C11orf42: variants seen among roughly 807,000 people sequenced by gnomAD.
C11orf42 encodes the protein chromosome 11 open reading frame 42, also known as uncharacterized protein C11orf42.
In C11orf42, 24 loss-of-function variants were observed where a neutral mutation model predicts 27.9. The ratio of observed to expected loss-of-function variants is 0.86; its 90% CI spans 0.62 to 1.21. The LOEUF is 1.21. C11orf42 is among the 50% of genes most tolerant of loss of function. The pLI is 0.00. For synonymous variants in C11orf42, 187 were observed against 180.8 expected (o/e 1.03, Z -0.28); for missense variants, 455 against 424.1 (o/e 1.07, Z -0.64).
rs188949781 is a variant in C11orf42 at position 6,210,606 on chromosome 11, A to C, written c.829A>C (p.Lys277Gln). The C allele has an allele frequency of 2.0e-5, 32 of 1,613,922 alleles. No homozygotes were observed. Among genetic ancestry groups the C allele is most frequent in the Non-Finnish European group, 2.7e-5 (32 of 1,180,008 alleles). ...GGACAAACCCACCAGATTCTCCTAC[A>C]AGGGCCGAAACCCCTTCTGGAGGGG... ...PEDKPTRFSY[K>Q]GRNPFWRGPQ... The change falls in exon 2 of 3, where the codon AAG becomes CAG. Residue 277 changes from lysine to glutamine, a missense_variant. By Grantham distance (53) the Lys-to-Gln change is moderately conservative. Transcript: ENST00000316375. This position sits in a 1 kb window ranked among gnomAD's most constrained non-coding sequence, Gnocchi z 4.0.
chr11:6,209,627 G>A (rs977989447), intron 1 of C11orf42, among the ~76,000 whole-genome samples: 16 of 152,140 alleles, frequency 1.1e-4, no homozygotes, highest in Admixed American at 9.2e-4. Flanking sequence ...ACTATATTAG[G>A]ACAAAGACAA....
chr11:6,210,215 A>G lies in C11orf42; in HGVS notation c.438A>G (p.Leu146=), dbSNP rs1311860716. Residue 146 remains leucine (L), a synonymous_variant, in exon 2 of 3, where the codon CTA becomes CTG. Transcript: ENST00000316375. This position sits in a 1 kb window ranked among gnomAD's most constrained non-coding sequence, Gnocchi z 4.0. ...FLLLPPGQVS[L]QQTLPWLRST... Reference sequence around the variant, plus strand: ...TGCTGCCACCAGGGCAGGTGAGCCTACAGCAGACTCTTCCCTGGCTCCGAA... The same window carrying G: ...TGCTGCCACCAGGGCAGGTGAGCCTGCAGCAGACTCTTCCCTGGCTCCGAA... 1.2e-6 allele frequency: 2 copies of G among 1,614,216 alleles called. No homozygotes were observed. Among genetic ancestry groups the G allele is most frequent in the Admixed American group, 1.7e-5 (1 of 60,030 alleles).
chr11:6,205,628 AC>A lies in C11orf42; in HGVS notation c.18del (p.Asn7ThrfsTer3), dbSNP rs1846970442. The A allele has an allele frequency of 6.2e-7, 1 of 1,613,596 alleles. No homozygotes were observed. Among genetic ancestry groups the A allele is most frequent in the East Asian group, 2.2e-5 (1 of 44,844 alleles). On this transcript the variant is annotated frameshift_variant, in exon 1 of 3. Coordinates refer to ENST00000316375, the MANE Select transcript of C11orf42 (RefSeq NM_173525.3). LOFTEE classifies it high-confidence loss of function. MLVGTPNLLTLDEAD... is the reference protein window; with the variant it reads MLVGXPNLLTLDEAD... ...CCCATACCCCACCATGTTGGTGGGT[AC>A]CCCCAACCTGCTGACACTGGATGAA...
chr11:6,207,246 G>T (rs978563761), intron 1 of C11orf42, among the ~76,000 whole-genome samples: 3 of 152,118 alleles, frequency 2.0e-5, no homozygotes, highest in African/African-American at 7.2e-5. Context: ...TCCTATTTTA[G>T]GATAACCACT....
Position 6,210,751 on chromosome 11 carries a change from G to A in C11orf42, c.871+103G>A, listed in dbSNP as rs1847048779. The A allele has an allele frequency of 7.0e-7, 1 of 1,418,896 alleles. No homozygotes were observed. The highest frequency in any genetic ancestry group is 1.4e-5 in the African/African-American group (1 of 69,834). The allele number at this position is 1,418,896 out of a possible 1,614,324, so 87.9% of individuals were successfully genotyped here. ...GTGAGGAATCCATTACTCAGCACAG[G>A]GCTCTGGTGAAAGAGATGGAATGAG... On this transcript the variant is annotated intron_variant, in intron 2 of 2. Transcript: ENST00000316375. The surrounding 1 kb of genome is among the most constrained non-coding windows in gnomAD (Gnocchi z 4.0).
intron 1 of C11orf42, among the ~76,000 whole-genome samples, chr11:6,207,903 A>G (rs1419395793): frequency 6.6e-6 from 1 of 152,230 alleles, no homozygotes; most frequent in African/African-American, 2.4e-5. Flanking sequence ...AAAGAGGGCA[A>G]TGCCATCAGT....
chr11:6,210,824 T>C lies in C11orf42; in HGVS notation c.872-88T>C, dbSNP rs1420837300. 8 of 1,461,952 alleles carry C rather than the reference T, an allele frequency of 5.5e-6. No individual in the cohort carries two copies. The highest frequency in any genetic ancestry group is 1.4e-5 in the African/African-American group (1 of 69,770). 90.6% of individuals were successfully genotyped at this position (1,461,952 alleles called of 1,614,324 possible). A position where few individuals can be genotyped will look rare whatever the true frequency, so the allele number is the denominator to read the frequency against. On this transcript the variant is annotated intron_variant, in intron 2 of 2. Transcript: ENST00000316375. This position sits in a 1 kb window ranked among gnomAD's most constrained non-coding sequence, Gnocchi z 4.0. ...GAATGAGGAGGCCCTAGGAAGGGGA[T>C]TGGGATGGCACAGAGGACCAGAGGG... is the stretch of plus-strand genomic sequence containing the variant.
At chr11:6,208,873 C>T (rs1401435819) in intron 1 of C11orf42, among the ~76,000 whole-genome samples, 1 of 152,060 alleles carries the variant, frequency 6.6e-6, no homozygotes, top group Non-Finnish European at 1.5e-5. Flanking sequence ...TTATGACTTC[C>T]TATTAAAAAT....
At chr11:6,205,815 T>A in intron 1 of C11orf42, 128 bp downstream of exon 1, 1 of 702,146 alleles carries the variant, frequency 1.4e-6, no homozygotes, top group South Asian at 1.9e-5. Flanking sequence ...ACTGCTTCCA[T>A]ATGTGCCAGG....
At position 6,210,582 on chromosome 11, in the gene C11orf42, G is replaced by T; in HGVS notation, c.805G>T (p.Asp269Tyr). ...GCCACCTCCCCAGGAAGGGCCAGAG[G>T]ACAAACCCACCAGATTCTCCTACAA... Reference protein sequence around the residue: ...PTPPPQEGPEDKPTRFSYKGR... With the variant: ...PTPPPQEGPEYKPTRFSYKGR... The change falls in exon 2 of 3, where the codon GAC becomes TAC. Residue 269 changes from aspartate (D) to tyrosine (Y), a missense_variant. Asp to Tyr is a radical substitution (Grantham distance 160). Coordinates refer to ENST00000316375, the MANE Select transcript of C11orf42 (RefSeq NM_173525.3). The surrounding 1 kb of genome is among the most constrained non-coding windows in gnomAD (Gnocchi z 4.0). 6.2e-7 allele frequency: 1 copy of T among 1,614,146 alleles called. No individual in the cohort carries two copies. The highest frequency in any genetic ancestry group is 8.5e-7 in the Non-Finnish European group (1 of 1,180,018).
rs374684544 is a variant in C11orf42 at position 6,210,410 on chromosome 11, G to A, written c.633G>A (p.Gln211=). The change falls in exon 2 of 3, where the codon CAG becomes CAA. Residue 211 remains glutamine, a synonymous_variant. Coordinates refer to ENST00000316375, the MANE Select transcript of C11orf42 (RefSeq NM_173525.3). This position sits in a 1 kb window ranked among gnomAD's most constrained non-coding sequence, Gnocchi z 4.0. ...SLQSKGVLGP[Q]KPLTKDPLPH... is the part of the protein sequence containing the mutation. Reference sequence around the variant, plus strand: ...AGTCTAAGGGCGTGCTGGGACCACAGAAGCCTCTCACTAAAGACCCATTGC... The same window carrying A: ...AGTCTAAGGGCGTGCTGGGACCACAAAAGCCTCTCACTAAAGACCCATTGC... The A allele has an allele frequency of 1.3e-5, 21 of 1,614,222 alleles. No individual in the cohort carries two copies. The highest frequency in any genetic ancestry group is 1.7e-5 in the Non-Finnish European group (20 of 1,180,038).
Position 6,205,704 on chromosome 11 carries a change from G to A in C11orf42, c.72+17G>A. ...AAGGATAAGGTAGGTAAAGTAAGGA[G>A]GCTAAAGAGGAAGCAACGAAGTGTG... is the stretch of plus-strand genomic sequence containing the variant. On this transcript the variant is annotated intron_variant, in intron 1 of 2. Transcript: ENST00000316375. 6.2e-7 allele frequency: 1 copy of A among 1,609,192 alleles called. No homozygotes were observed. Among genetic ancestry groups the A allele is most frequent in the Non-Finnish European group, 8.5e-7 (1 of 1,175,818 alleles).
chr11:6,210,123 TTGGA>T lies in C11orf42; in HGVS notation c.351_354del (p.Gly118SerfsTer26). 6.2e-7 allele frequency: 1 copy of T among 1,614,198 alleles called. No individual in the cohort carries two copies. The highest frequency in any genetic ancestry group is 8.5e-7 in the Non-Finnish European group (1 of 1,180,034). ...GAGAGCCTATGAAGAGACGCGAATG[TTGGA>T]TGGACAGCCCTGCAAGATCCGCCTA... On this transcript the variant is annotated frameshift_variant, in exon 2 of 3. Transcript: ENST00000316375. LOFTEE classifies it high-confidence loss of function. The surrounding 1 kb of genome is among the most constrained non-coding windows in gnomAD (Gnocchi z 4.0).
Position 6,209,997 on chromosome 11 carries a change from C to T in C11orf42, c.220C>T (p.Leu74=). The change falls in exon 2 of 3, where the codon CTG becomes TTG. Residue 74 remains leucine (L), a synonymous_variant. Coordinates refer to ENST00000316375, the MANE Select transcript of C11orf42 (RefSeq NM_173525.3). ...GCCAGGTCGGCAGGGCCGGAGGGCA[C>T]TGAAACCAGTGGGGCCACTACCAAG... ...ALPGRQGRRA[L]KPVGPLPSLL... The T allele has an allele frequency of 1.2e-6, 2 of 1,614,098 alleles. No individual in the cohort carries two copies. Among genetic ancestry groups the T allele is most frequent in the Non-Finnish European group, 1.7e-6 (2 of 1,179,920 alleles).
intron 1 of C11orf42, among the ~76,000 whole-genome samples, chr11:6,207,966 A>T (rs1029917140): frequency 6.6e-6 from 1 of 152,202 alleles, no homozygotes; most frequent in Non-Finnish European, 1.5e-5. Context: ...AGAGTACAGC[A>T]CTGTAAGCAC....
intron 1 of C11orf42, among the ~76,000 whole-genome samples, 178 bp from the exon 2 acceptor site, chr11:6,209,672 T>C (rs568200976): frequency 1.4e-4 from 22 of 152,360 alleles, no homozygotes; most frequent in African/African-American, 5.0e-4. Context: ...AGTACTTAGA[T>C]AGTTTGACAC....
rs1847049785 is a variant in C11orf42, at chr11:6,210,797, T to C, written c.872-115T>C. 16 of 1,407,268 alleles carry C rather than the reference T, an allele frequency of 1.1e-5. No individual in the cohort carries two copies. The highest frequency in any genetic ancestry group is 6.7e-6 in the Non-Finnish European group (7 of 1,047,564). 87.2% of individuals were successfully genotyped at this position (1,407,268 alleles called of 1,614,324 possible). A position where few individuals can be genotyped will look rare whatever the true frequency, so the allele number is the denominator to read the frequency against. On this transcript the variant is annotated intron_variant, in intron 2 of 2. Coordinates refer to ENST00000316375, the MANE Select transcript of C11orf42 (RefSeq NM_173525.3). This position sits in a 1 kb window ranked among gnomAD's most constrained non-coding sequence, Gnocchi z 4.0. Reference sequence around the variant, plus strand: ...ATGAGGGAGACTGGGGAGGGTGAGATGGAATGAGGAGGCCCTAGGAAGGGG... The same window carrying C: ...ATGAGGGAGACTGGGGAGGGTGAGACGGAATGAGGAGGCCCTAGGAAGGGG...
chr11:6,207,382 GATA>G (rs1846990906), intron 1 of C11orf42, among the ~76,000 whole-genome samples: 1 of 152,028 alleles, frequency 6.6e-6, no homozygotes, highest in African/African-American at 2.4e-5. Flanking sequence ...CAGAAACTTG[GATA>G]ATAAGCACCA....
chr11:6,211,033 T>A lies in C11orf42; in HGVS notation c.993T>A (p.Ser331Arg). ...LLQGLSSEFD[S>R]DD ...AGGGTCTATCCTCAGAGTTCGACAG[T>A]GACGACTGAAGCTGAAGCAAAAGAT... Residue 331 changes from serine (S) to arginine (R), a missense_variant, in exon 3 of 3, where the codon AGT (serine) becomes AGA (arginine). By Grantham distance (110) the Ser-to-Arg change is moderately radical. Transcript: ENST00000316375. 1.2e-6 allele frequency: 2 copies of A among 1,610,544 alleles called. No individual in the cohort carries two copies. Among genetic ancestry groups the A allele is most frequent in the Non-Finnish European group, 1.7e-6 (2 of 1,178,854 alleles).
Sources: gnomAD v4.1 joint callset for allele counts (sites outside exome capture counted in the v4.1 genomes callset) on GRCh38, gnomAD v4.1.1 for gene constraint, Gnocchi (gnomAD v3.1) non-coding constraint, MANE v1.5 for transcripts, NCBI Gene and HGNC (gene_info 2026-07-23, HGNC 2026-07-21) for gene names.